Variants in FNDC3B observed in about 807,000 individuals in gnomAD.
FNDC3B encodes fibronectin type III domain-containing protein 3B.
Under a neutral mutation model 151.5 loss-of-function variants are expected in FNDC3B, and 12 were observed. That is an observed-to-expected ratio of 0.08 (90% confidence interval 0.05 to 0.13). FNDC3B has a LOEUF of 0.13. Among genes scored for constraint, FNDC3B ranks in the 10% least tolerant of loss-of-function variants. The pLI, the probability that FNDC3B is intolerant of heterozygous loss-of-function variation, is 1.00. For missense variants in FNDC3B, 1,214 were observed against 1,505.3 expected (o/e 0.81, Z 3.20); for synonymous variants, 528 against 549.0 (o/e 0.96, Z 0.54).
chr3:172,237,565 C>T (rs1227225511), intron 4 of FNDC3B: 1 of 152,148 alleles, frequency 6.6e-6, no homozygotes, highest in Non-Finnish European at 1.5e-5. Context: ...CCATCACACT[C>T]CAGCCTGGGC....
rs11350336 is a variant in FNDC3B, at chr3:172,068,110, CT to C, written c.-29+28343del. Among the ~76,000 whole-genome samples the C allele has an allele frequency of 8.2e-4, 125 of 152,308 alleles. 1 individual carries two copies. Among genetic ancestry groups the C allele is most frequent in the African/African-American group, 2.7e-3 (114 of 41,570 alleles). On this transcript the variant is annotated intron_variant, in intron 1 of 25. Coordinates refer to ENST00000415807, the MANE Select transcript of FNDC3B (RefSeq NM_022763.4). ...ATCCCATTCTGTAGCCCCTGCTGCT[CT>C]TTTCAGGGGATTCTATTTTGTCTTA...
chr3:172,258,315 A>G (rs1275759890), intron 6 of FNDC3B, among the ~76,000 whole-genome samples: 3 of 152,172 alleles, frequency 2.0e-5, no homozygotes, highest in African/African-American at 7.2e-5. Flanking sequence ...ATTCTTGTGC[A>G]TTTGTCTTTC....
chr3:172,059,228 C>G (rs750996184), intron 1 of FNDC3B, among the ~76,000 whole-genome samples: 1 of 151,834 alleles, frequency 6.6e-6, no homozygotes, highest in Non-Finnish European at 1.5e-5. Flanking sequence ...TATTTGGGAG[C>G]ATTTTAAAAA....
chr3:172,293,035 G>C (rs1730422865), intron 7 of FNDC3B, among the ~76,000 whole-genome samples: 1 of 152,208 alleles, frequency 6.6e-6, no homozygotes, highest in Non-Finnish European at 1.5e-5. Context: ...GAGTCCCTCT[G>C]TGTTCAGTAT....
intron 3 of FNDC3B, among the ~76,000 whole-genome samples, chr3:172,151,228 A>G (rs1722204559): frequency 1.3e-5 from 2 of 152,154 alleles, no homozygotes; most frequent in African/African-American, 4.8e-5. Context: ...GTGAGTGTAT[A>G]TTTGCCAGTG....
chr3:172,235,698 A>G (rs1285109052), intron 4 of FNDC3B, among the ~76,000 whole-genome samples: 1 of 152,248 alleles, frequency 6.6e-6, no homozygotes, highest in Non-Finnish European at 1.5e-5. Flanking sequence ...CTGGAAAGGT[A>G]TAGCTGTATC....
At chr3:172,106,038 G>A (rs1463278043) in intron 1 of FNDC3B, among the ~76,000 whole-genome samples, 2 of 152,110 alleles carry the variant, frequency 1.3e-5, no homozygotes, top group Admixed American at 1.3e-4. Context: ...TAACTATAGT[G>A]GTATGAATTC....
chr3:172,260,299 A>G (rs1179542036), intron 6 of FNDC3B, among the ~76,000 whole-genome samples: 2 of 152,260 alleles, frequency 1.3e-5, no homozygotes, highest in Admixed American at 1.3e-4. Context: ...CAAAAGTGCC[A>G]TACTCAGAAG....
intron 2 of FNDC3B, among the ~76,000 whole-genome samples, chr3:172,114,173 G>A (rs199665197): frequency 1.3e-5 from 2 of 152,102 alleles, no homozygotes; most frequent in African/African-American, 4.8e-5. Context: ...CCAGCCTTCC[G>A]TGTTAGTGCT....
At chr3:172,234,535 A>G (rs1042932591) in intron 4 of FNDC3B, among the ~76,000 whole-genome samples, 13 of 152,234 alleles carry the variant, frequency 8.5e-5, no homozygotes, top group African/African-American at 3.1e-4. Context: ...TTAACAGGGT[A>G]TCAAATGAGA....
chr3:172,313,133 G>A (rs890064482), intron 11 of FNDC3B, among the ~76,000 whole-genome samples: 4 of 151,424 alleles, frequency 2.6e-5, no homozygotes, highest in Non-Finnish European at 5.9e-5. Context: ...CTTTGCTGAA[G>A]ATTCCAGGTT....
At chr3:172,100,113 T>A (rs746052091) in intron 1 of FNDC3B, among the ~76,000 whole-genome samples, 1 of 152,226 alleles carries the variant, frequency 6.6e-6, no homozygotes, top group Admixed American at 6.5e-5. Context: ...GAACATGCCT[T>A]TTATACCAAA....
intron 5 of FNDC3B, among the ~76,000 whole-genome samples, chr3:172,250,086 G>A (rs1727990634): frequency 6.6e-6 from 1 of 152,048 alleles, no homozygotes; most frequent in African/African-American, 2.4e-5. Context: ...CAATCTTTAT[G>A]TTACGCATTG....
At chr3:172,250,481 A>G (rs59578156) in intron 5 of FNDC3B, among the ~76,000 whole-genome samples, 24 of 152,376 alleles carry the variant, frequency 1.6e-4, no homozygotes, top group Middle Eastern at 3.4e-3. Flanking sequence ...TTTGACTGCA[A>G]TATACTTCCC....
At chr3:172,241,098 G>T (rs1326532389) in intron 4 of FNDC3B, among the ~76,000 whole-genome samples, 2 of 152,140 alleles carry the variant, frequency 1.3e-5, no homozygotes, top group Admixed American at 1.3e-4. Flanking sequence ...GAGCAAGATG[G>T]CTCAGTGTTT....
At chr3:172,098,978 C>T (rs749396039) in intron 1 of FNDC3B, among the ~76,000 whole-genome samples, 8 of 152,166 alleles carry the variant, frequency 5.3e-5, no homozygotes, top group Admixed American at 1.3e-4. Context: ...TGCTGCCTCT[C>T]GGCAATGTAA....
intron 10 of FNDC3B, 63 bp from the exon 11 acceptor site, chr3:172,310,765 G>T: frequency 8.5e-7 from 1 of 1,170,320 alleles, no homozygotes; most frequent in South Asian, 1.2e-5. Context: ...TGAGCCAGGT[G>T]GGTAACTCAT....
intron 23 of FNDC3B, among the ~76,000 whole-genome samples, chr3:172,372,307 G>A (rs925346502): frequency 6.6e-6 from 1 of 152,178 alleles, no homozygotes; most frequent in Non-Finnish European, 1.5e-5. Flanking sequence ...AGCAGGGGAT[G>A]GAGGTAGAGT....
At chr3:172,068,088 C>A (rs1047434774) in intron 1 of FNDC3B, among the ~76,000 whole-genome samples, 2 of 152,190 alleles carry the variant, frequency 1.3e-5, no homozygotes, top group African/African-American at 4.8e-5. Flanking sequence ...CTGGTGGATC[C>A]CATTCTGTAG....
Sources: allele counts gnomAD v4.1 joint callset (sites outside exome capture counted in the v4.1 genomes callset), GRCh38; gene constraint gnomAD v4.1.1; transcripts MANE v1.5; gene names NCBI Gene and HGNC (gene_info 2026-07-23, HGNC 2026-07-21).